AATF: variants seen among roughly 807,000 people sequenced by gnomAD.
AATF encodes protein AATF.
In AATF, 48 loss-of-function variants were observed where a neutral mutation model predicts 63.7. That is an observed-to-expected ratio of 0.75 (90% CI 0.60 to 0.96). The LOEUF (loss-of-function observed/expected upper bound fraction) is 0.96, where lower values mean the gene tolerates loss of function less well. AATF is among the 40% of genes least tolerant of loss of function. The pLI, the probability that AATF is intolerant of heterozygous loss-of-function variation, is 0.00. For synonymous variants in AATF, 258 were observed against 247.7 expected (o/e 1.04, Z -0.39); for missense variants, 639 against 685.7 (o/e 0.93, Z 0.76).
At chr17:37,030,617 AT>A (rs889350181) in intron 10 of AATF, among the ~76,000 whole-genome samples, 8 of 152,216 alleles carry the variant, frequency 5.3e-5, no homozygotes, top group African/African-American at 1.9e-4. Context: ...TGTAGGTGAT[AT>A]AACTTAAACT....
chr17:36,992,510 G>A (rs948942596), intron 8 of AATF, among the ~76,000 whole-genome samples: 13 of 152,174 alleles, frequency 8.5e-5, no homozygotes, highest in South Asian at 4.1e-4. Context: ...ATTAATTGAA[G>A]TGTACATTGT....
intron 8 of AATF, among the ~76,000 whole-genome samples, chr17:37,016,833 G>T (rs569413143): frequency 5.9e-4 from 89 of 151,348 alleles, no homozygotes; most frequent in Admixed American, 1.7e-3. Flanking sequence ...TGTATTTTTT[G>T]TTGTTGTTGC....
At chr17:37,019,113 G>A in intron 9 of AATF, 41 bp downstream of exon 9, 1 of 1,542,338 alleles carries the variant, frequency 6.5e-7, no homozygotes, top group Non-Finnish European at 9.0e-7. Context: ...AGCAGCCTAT[G>A]TAATAGTTTC....
intron 11 of AATF, among the ~76,000 whole-genome samples, chr17:37,050,594 T>A (rs2071739761): frequency 6.6e-6 from 1 of 152,254 alleles, no homozygotes; most frequent in African/African-American, 2.4e-5. Flanking sequence ...ATCTCTGTGC[T>A]GACTGACCAT....
rs138715433 is a variant in AATF, at chr17:36,950,252, G to T, written c.130G>T (p.Glu44Ter). 6.2e-7 allele frequency: 1 copy of T among 1,614,150 alleles called. No homozygotes were observed. Among genetic ancestry groups the T allele is most frequent in the African/African-American group, 1.3e-5 (1 of 75,054 alleles). The change falls in exon 2 of 12, where the codon GAA (glutamate) becomes TAA (stop). Residue 44 changes from glutamate (E) to a stop codon, truncating the protein, a stop_gained. Coordinates refer to ENST00000619387, the MANE Select transcript of AATF (RefSeq NM_012138.4). LOFTEE classifies it high-confidence loss of function. The stretch of plus-strand genomic sequence containing the variant: ...GGTGATTGACAGGTTTGATGAAGGG[G>T]AAGATGGGGAAGGTGATTTCCTAGT... The part of the protein sequence containing the change: ...ARVIDRFDEG[E>*]DGEGDFLVVG...
intron 8 of AATF, among the ~76,000 whole-genome samples, chr17:36,994,396 A>G (rs1401350409): frequency 6.6e-6 from 1 of 152,186 alleles, no homozygotes; most frequent in Non-Finnish European, 1.5e-5. Context: ...AGCTTTTGTT[A>G]CTTAAACAAT....
At chr17:37,021,649 CAAAAAATTAG>C (rs2071471234) in intron 10 of AATF, among the ~76,000 whole-genome samples, 1 of 81,634 alleles carries the variant, frequency 1.2e-5, no homozygotes, top group South Asian at 2.6e-4. Flanking sequence ...ATAATAAATA[CAAAAAATTAG>C]CCGGGCGTAG....
At position 36,989,372 on chromosome 17, in the gene AATF, A is replaced by G. The variant is rs948466357; in HGVS notation, c.1275A>G (p.Pro425=). The G allele has an allele frequency of 1.2e-6, 2 of 1,613,864 alleles. No individual in the cohort carries two copies. The highest frequency in any genetic ancestry group is 1.3e-5 in the African/African-American group (1 of 74,932). The change falls in exon 7 of 12, where the codon CCA becomes CCG. Residue 425 remains proline (P), a synonymous_variant. Coordinates refer to ENST00000619387, the MANE Select transcript of AATF (RefSeq NM_012138.4). ...SVYRVLGKPE[P]AAQPVPESLP... ...ATCGAGTTCTTGGCAAACCTGAGCC[A>G]GCAGCTCAGCCTGTCCCAGAGAGTT...
chr17:37,001,070 A>G (rs1413084548), intron 8 of AATF, among the ~76,000 whole-genome samples: 1 of 152,088 alleles, frequency 6.6e-6, no homozygotes, highest in African/African-American at 2.4e-5. Context: ...TGTTATCCCA[A>G]TACTTTGGGA....
chr17:37,046,724 T>TCCCCCCC (rs1483912218), intron 11 of AATF, among the ~76,000 whole-genome samples: 2 of 124,960 alleles, frequency 1.6e-5, no homozygotes, highest in African/African-American at 6.6e-5. Context: ...CATCCTGTGC[T>TCCCCCCC]CCCCCAACAC....
At chr17:36,960,398 A>C (rs2070937768) in intron 4 of AATF, among the ~76,000 whole-genome samples, 1 of 152,236 alleles carries the variant, frequency 6.6e-6, no homozygotes, top group South Asian at 2.1e-4. Context: ...AGCTGTGGGA[A>C]ATCATGGAGT....
At chr17:37,051,391 A>G (rs1053308944) in intron 11 of AATF, 2 of 152,224 alleles carry the variant, frequency 1.3e-5, no homozygotes, top group Admixed American at 6.5e-5. Context: ...CCCCACACAG[A>G]TTATTTGCAG....
At chr17:36,990,594 C>T (rs1173950396) in intron 7 of AATF, among the ~76,000 whole-genome samples, 180 bp from the exon 8 acceptor site, 1 of 152,028 alleles carries the variant, frequency 6.6e-6, no homozygotes, top group Non-Finnish European at 1.5e-5. Flanking sequence ...TTTTTTTGGT[C>T]AACTGCCTGT....
chr17:37,055,526 A>C (rs1183705152), intron 11 of AATF: 2 of 152,234 alleles, frequency 1.3e-5, no homozygotes, highest in Admixed American at 1.3e-4. Context: ...GCTGACCCTC[A>C]GATGATGAGA....
At chr17:37,012,830 T>A (rs538245327) in intron 8 of AATF, among the ~76,000 whole-genome samples, 1 of 152,324 alleles carries the variant, frequency 6.6e-6, no homozygotes, top group Admixed American at 6.5e-5. Context: ...CCTTACACTA[T>A]ATATAAAAAT....
At chr17:37,003,151 A>G (rs148092685) in intron 8 of AATF, among the ~76,000 whole-genome samples, 7 of 152,320 alleles carry the variant, frequency 4.6e-5, no homozygotes, top group Non-Finnish European at 5.9e-5. Flanking sequence ...CTTTACATTT[A>G]TAGTTCATTG....
chr17:36,989,366 T>C lies in AATF; in HGVS notation c.1269T>C (p.Pro423=), dbSNP rs2071195691. ...CTGTCTATCGAGTTCTTGGCAAACC[T>C]GAGCCAGCAGCTCAGCCTGTCCCAG... ...KRSVYRVLGK[P]EPAAQPVPES... is the part of the protein sequence containing the mutation. Residue 423 remains proline, a synonymous_variant, in exon 7 of 12, where the codon CCT becomes CCC. Coordinates refer to ENST00000619387, the MANE Select transcript of AATF (RefSeq NM_012138.4). The C allele has an allele frequency of 6.2e-7, 1 of 1,613,952 alleles. No individual in the cohort carries two copies. The highest frequency in any genetic ancestry group is 1.3e-5 in the African/African-American group (1 of 75,046).
chr17:36,987,252 A>G (rs1467711485), intron 5 of AATF, among the ~76,000 whole-genome samples: 2 of 151,678 alleles, frequency 1.3e-5, no homozygotes, highest in Non-Finnish European at 2.9e-5. Context: ...CAGCCTCCCA[A>G]AGTGCTGGAA....
rs766374799 is a variant in AATF, at chr17:36,989,265, C to T, written c.1168C>T (p.Arg390Cys). 1.6e-5 allele frequency: 25 copies of T among 1,611,846 alleles called. No individual in the cohort carries two copies. The highest frequency in any genetic ancestry group is 4.0e-5 in the African/African-American group (3 of 74,860). Reference protein sequence around the residue: ...KLGKGFGAFERSILTQIDHIL... With the variant: ...KLGKGFGAFECSILTQIDHIL... ...GTTGCAGGGTTTTGGTGCCTTTGAA[C>T]GCTCAATCTTGACTCAGATCGACCA... The change falls in exon 7 of 12, where the codon CGC becomes TGC. Residue 390 changes from arginine to cysteine, a missense_variant. Physicochemically the swap from Arg to Cys is radical, Grantham distance 180. Coordinates refer to ENST00000619387, the MANE Select transcript of AATF (RefSeq NM_012138.4).
Sources: allele counts gnomAD v4.1 joint callset (sites outside exome capture counted in the v4.1 genomes callset), GRCh38; gene constraint gnomAD v4.1.1; transcripts MANE v1.5; gene names NCBI Gene and HGNC (gene_info 2026-07-23, HGNC 2026-07-21).